PTPRN2: variants seen among roughly 807,000 people sequenced by gnomAD.
PTPRN2 encodes the protein protein tyrosine phosphatase receptor type N2, also known as receptor-type tyrosine-protein phosphatase N2.
PTPRN2 carries 74 observed loss-of-function variants against 118.8 expected under a neutral mutation model. The ratio of observed to expected loss-of-function variants is 0.62; its 90% confidence interval spans 0.52 to 0.76. The LOEUF is 0.76. Ranked by LOEUF, PTPRN2 falls within the 30% of genes least tolerant of loss-of-function variation. The pLI, the probability that PTPRN2 is intolerant of heterozygous loss-of-function variation, is 0.00. For missense variants in PTPRN2, 1,481 were observed against 1,394.4 expected (o/e 1.06, Z -0.99); for synonymous variants, 641 against 608.0 (o/e 1.05, Z -0.80).
rs867812906 is a variant in PTPRN2, at chr7:158,071,394, G to T, written c.1723+9904C>A. On this transcript the variant is annotated intron_variant, in intron 11 of 22. Transcript: ENST00000389418. ...GGTGGTGGAGGTGCTCGTGGTGGAG[G>T]TGCTCGTGGTGGAGTTGCTCCTGGT... Among the ~76,000 whole-genome samples the T allele has an allele frequency of 4.4e-3, 312 of 70,726 alleles. 7 individuals carry two copies. Among genetic ancestry groups the T allele is most frequent in the African/African-American group, 6.2e-3 (113 of 18,330 alleles). 46.4% of individuals were successfully genotyped at this position (70,726 alleles called of 152,430 possible). A position where few individuals can be genotyped will look rare whatever the true frequency, so the allele number is the denominator to read the frequency against.
At chr7:158,164,161 G>A (rs756401415) in intron 6 of PTPRN2, among the ~76,000 whole-genome samples, 2 of 152,228 alleles carry the variant, frequency 1.3e-5, no homozygotes, top group African/African-American at 2.4e-5. Flanking sequence ...GGAACGAGAA[G>A]GCGCCAAGGC....
chr7:157,711,430 G>A (rs1020214997), intron 12 of PTPRN2, among the ~76,000 whole-genome samples: 1 of 147,194 alleles, frequency 6.8e-6, no homozygotes, highest in Non-Finnish European at 1.5e-5. Context: ...TTACACGCGA[G>A]AGCCCCACGC....
At chr7:158,238,511 G>A (rs569841525) in intron 3 of PTPRN2, among the ~76,000 whole-genome samples, 33 of 152,174 alleles carry the variant, frequency 2.2e-4, no homozygotes, top group African/African-American at 5.5e-4. Context: ...CCACATTCAC[G>A]GTTTCTGTAT....
intron 3 of PTPRN2, among the ~76,000 whole-genome samples, chr7:158,268,959 ATTG>A (rs1798112386): frequency 8.6e-6 from 1 of 115,730 alleles, no homozygotes; most frequent in Non-Finnish European, 1.8e-5. Context: ...TCGCAGCCAC[ATTG>A]TTGTTGAAAG....
intron 1 of PTPRN2, chr7:158,541,859 C>T (rs1826002828): frequency 2.1e-6 from 1 of 483,414 alleles, no homozygotes; most frequent in Admixed American, 6.4e-5. Context: ...CACCTGCTTC[C>T]AATTCAGGGA....
chr7:157,996,066 C>A lies in PTPRN2; in HGVS notation c.1723+85232G>T, dbSNP rs1273504808. ...TTCAGCCATAAAAAAGGATGAAGTC[C>A]TGTCTTTTGCACACAATGGAATACT... On this transcript the variant is annotated intron_variant, in intron 11 of 22. Transcript: ENST00000389418. Among the ~76,000 whole-genome samples, 4 of 152,182 alleles carry A rather than the reference C, an allele frequency of 2.6e-5. No individual in the cohort carries two copies. In the East Asian group the frequency reaches 7.7e-4, roughly 29 times the overall value.
chr7:157,720,317 G>C (rs367726466), intron 12 of PTPRN2, among the ~76,000 whole-genome samples: 1 of 152,046 alleles, frequency 6.6e-6, no homozygotes, highest in Non-Finnish European at 1.5e-5. Flanking sequence ...TTGGTTTCTC[G>C]GCTGCCGCAA....
At chr7:157,886,949 C>T (rs867779632) in intron 12 of PTPRN2, among the ~76,000 whole-genome samples, 5 of 151,680 alleles carry the variant, frequency 3.3e-5, no homozygotes, top group African/African-American at 4.8e-5. Flanking sequence ...CATCGAGGTC[C>T]TCGTCAGCTG....
chr7:158,059,397 G>A, intron 11 of PTPRN2, among the ~76,000 whole-genome samples: 1 of 115,952 alleles, frequency 8.6e-6, no homozygotes, highest in Non-Finnish European at 1.7e-5. Flanking sequence ...TCTGCCCACG[G>A]TGACACATCA....
chr7:157,943,168 C>G (rs189457939), intron 11 of PTPRN2, among the ~76,000 whole-genome samples: 96 of 152,344 alleles, frequency 6.3e-4, no homozygotes, highest in African/African-American at 2.2e-3. Flanking sequence ...GAACACACAA[C>G]ACACATTCCA....
intron 11 of PTPRN2, among the ~76,000 whole-genome samples, chr7:158,071,450 C>T (rs111162922): frequency 8.2e-4 from 22 of 26,856 alleles, no homozygotes; most frequent in African/African-American, 2.7e-3. Flanking sequence ...TGGAGGTGCT[C>T]GTGGTTGAGG....
chr7:158,462,502 G>T (rs1448622134), intron 2 of PTPRN2, among the ~76,000 whole-genome samples: 2 of 152,126 alleles, frequency 1.3e-5, no homozygotes, highest in Non-Finnish European at 2.9e-5. Context: ...AAAATTAAGG[G>T]GTGCCTGGTC....
chr7:158,271,700 A>G (rs1056105417), intron 3 of PTPRN2, among the ~76,000 whole-genome samples: 3 of 152,294 alleles, frequency 2.0e-5, no homozygotes, highest in Non-Finnish European at 4.4e-5. Context: ...TTTCTTTCTC[A>G]CAGTTCTGGA....
chr7:158,321,397 C>T (rs1161733861), intron 2 of PTPRN2, among the ~76,000 whole-genome samples: 1 of 152,186 alleles, frequency 6.6e-6, no homozygotes, highest in Admixed American at 6.5e-5. Flanking sequence ...CTCATGAACT[C>T]TCTTCTACTT....
intron 2 of PTPRN2, among the ~76,000 whole-genome samples, chr7:158,425,861 G>C (rs71547539): frequency 2.0e-4 from 27 of 132,734 alleles, no homozygotes; most frequent in African/African-American, 6.6e-4. Flanking sequence ...CGGGAAAGAC[G>C]CGGGGTCCGA....
intron 3 of PTPRN2, among the ~76,000 whole-genome samples, chr7:158,268,257 G>C: frequency 6.6e-6 from 1 of 152,004 alleles, no homozygotes; most frequent in Non-Finnish European, 1.5e-5. Flanking sequence ...CACACACACA[G>C]AGCGGGGTGT....
chr7:158,527,949 A>G (rs942867742), intron 1 of PTPRN2, among the ~76,000 whole-genome samples: 2 of 151,578 alleles, frequency 1.3e-5, no homozygotes, highest in Admixed American at 6.6e-5. Context: ...TGCTTGTGCT[A>G]TGTCTGTTGG....
At chr7:158,369,464 G>A (rs544606248) in intron 2 of PTPRN2, among the ~76,000 whole-genome samples, 7 of 152,244 alleles carry the variant, frequency 4.6e-5, no homozygotes, top group Admixed American at 6.5e-5. Context: ...TGGGGCCACT[G>A]GGCAGATGCT....
intron 2 of PTPRN2, among the ~76,000 whole-genome samples, chr7:158,341,149 G>C (rs1375698770): frequency 7.5e-6 from 1 of 133,204 alleles, no homozygotes. Flanking sequence ...CTCACCATAA[G>C]AGCTGACGCC....
Sources: allele counts gnomAD v4.1 joint callset (sites outside exome capture counted in the v4.1 genomes callset), GRCh38; gene constraint gnomAD v4.1.1; transcripts MANE v1.5; gene names NCBI Gene and HGNC (gene_info 2026-07-23, HGNC 2026-07-21).